The following RBFOX3 variants were observed in gnomAD, a reference collection of about 807,000 sequenced individuals.
The protein encoded by RBFOX3 is RNA binding protein fox-1 homolog 3.
In RBFOX3, 17 loss-of-function variants were observed where a neutral mutation model predicts 48.7. The observed-to-expected ratio is 0.35, with a 90% CI of 0.24 to 0.52. RBFOX3 has a LOEUF of 0.52. RBFOX3 is among the 20% of genes least tolerant of loss of function. The pLI, the probability that RBFOX3 is intolerant of heterozygous loss-of-function variation, is 0.94. For missense variants in RBFOX3, 382 were observed against 497.5 expected, an observed-to-expected ratio of 0.77 and a Z score of 2.21; for synonymous variants, 212 against 209.5, an observed-to-expected ratio of 1.01 and a Z score of -0.10.
rs1195257558 is a variant in RBFOX3 at position 79,299,077 on chromosome 17, G to A, written c.-74+8647C>T. ...TGAAATCCTCCCTGGCAGCAGATGC[G>A]GCTGGCCTCGGAAATACGGGAGGGA... On this transcript the variant is annotated intron_variant, in intron 3 of 14. Coordinates refer to ENST00000693108, the MANE Select transcript of RBFOX3 (RefSeq NM_001350451.2). This position sits in a 1 kb window ranked among gnomAD's most constrained non-coding sequence, Gnocchi z 4.5. 3.3e-5 allele frequency among the ~76,000 whole-genome samples: 5 copies of A among 152,036 alleles called. No individual in the cohort carries two copies. Among genetic ancestry groups the A allele is most frequent in the African/African-American group, 1.2e-4 (5 of 41,366 alleles).
the RBFOX3 span, among the ~76,000 whole-genome samples, chr17:79,617,581 C>T: frequency 6.6e-6 from 1 of 152,208 alleles, no homozygotes; most frequent in African/African-American, 2.4e-5. Flanking sequence ...CACCACAGCA[C>T]CGTCTCCCAC....
In RBFOX3 at chr17:79,096,338, G is replaced by A. The variant is rs545874990; in HGVS notation, c.936+315C>T. Among the ~76,000 whole-genome samples the A allele has an allele frequency of 1.2e-4, 19 of 152,328 alleles. No homozygotes were observed. The East Asian group carries it at 1.4e-3, about 11-fold the overall frequency. ...TAGGGGCTCACTCACTGACCGCAGC[G>A]TGGTTAGGGACGTGGCAGAGTCCCA... On this transcript the variant is annotated intron_variant, in intron 12 of 14. Coordinates refer to ENST00000693108, the MANE Select transcript of RBFOX3 (RefSeq NM_001350451.2).
chr17:79,580,578 G>A (rs960081155), intron 1 of RBFOX3, among the ~76,000 whole-genome samples: 1 of 152,186 alleles, frequency 6.6e-6, no homozygotes, highest in Non-Finnish European at 1.5e-5. Context: ...CGATCAGCCA[G>A]GAGAGAGGAG....
At chr17:79,309,976 T>A (rs1328143399) in intron 2 of RBFOX3, among the ~76,000 whole-genome samples, 1 of 152,196 alleles carries the variant, frequency 6.6e-6, no homozygotes, top group Non-Finnish European at 1.5e-5. Flanking sequence ...AGTAGTGCCA[T>A]CATTGTCTTC....
intron 4 of RBFOX3, among the ~76,000 whole-genome samples, chr17:79,177,754 A>G (rs1382074787): frequency 1.3e-5 from 2 of 152,200 alleles, no homozygotes; most frequent in Admixed American, 6.5e-5. Flanking sequence ...GAACTGGTAC[A>G]TGATTCAAAC....
chr17:79,313,560 G>A (rs1363380700), intron 2 of RBFOX3, among the ~76,000 whole-genome samples: 2 of 152,156 alleles, frequency 1.3e-5, no homozygotes, highest in Non-Finnish European at 2.9e-5. Flanking sequence ...CAATCCTGAC[G>A]AGAGTCCAGT....
intron 2 of RBFOX3, among the ~76,000 whole-genome samples, chr17:79,338,728 A>G (rs1598313359): frequency 6.6e-6 from 1 of 152,102 alleles, no homozygotes. Context: ...TGCTTCAACA[A>G]CCACAGAGGG....
At chr17:79,256,447 T>C (rs1334677196) in intron 3 of RBFOX3, among the ~76,000 whole-genome samples, 1 of 152,246 alleles carries the variant, frequency 6.6e-6, no homozygotes, top group Non-Finnish European at 1.5e-5. Context: ...TGAGTGTCCC[T>C]AAATCAATAA....
At chr17:79,510,087 G>T (rs946224384) in intron 1 of RBFOX3, among the ~76,000 whole-genome samples, 13 of 152,128 alleles carry the variant, frequency 8.5e-5, no homozygotes, top group African/African-American at 3.1e-4. Flanking sequence ...ATGGCCTCAC[G>T]CAACTCTGCC....
At chr17:79,180,094 C>T (rs1161642440) in intron 4 of RBFOX3, among the ~76,000 whole-genome samples, 1 of 152,186 alleles carries the variant, frequency 6.6e-6, no homozygotes, top group African/African-American at 2.4e-5. Flanking sequence ...CCGAAATCAT[C>T]CCGGGATGGT....
chr17:79,130,058 G>A (rs541663596), intron 4 of RBFOX3, among the ~76,000 whole-genome samples: 124 of 152,252 alleles, frequency 8.1e-4, no homozygotes, highest in African/African-American at 2.9e-3. Flanking sequence ...CTCAGGAGGT[G>A]CCCAGGCCTG....
intron 2 of RBFOX3, among the ~76,000 whole-genome samples, chr17:79,318,574 G>T (rs532971634): frequency 2.9e-4 from 44 of 152,176 alleles, no homozygotes; most frequent in Non-Finnish European, 6.2e-4. Flanking sequence ...TGACTGTGGG[G>T]CCACGTGCGG....
At chr17:79,609,940 G>A in intron 1 of RBFOX3, among the ~76,000 whole-genome samples, 1 of 151,962 alleles carries the variant, frequency 6.6e-6, no homozygotes, top group Non-Finnish European at 1.5e-5. Context: ...CACCAGGGCA[G>A]AAAGTTTGGG....
chr17:79,136,613 G>C (rs1168371766), intron 4 of RBFOX3, among the ~76,000 whole-genome samples: 1 of 152,164 alleles, frequency 6.6e-6, no homozygotes, highest in East Asian at 1.9e-4. Flanking sequence ...AAGCTCTGTT[G>C]GTTGGCTCAG....
chr17:79,141,332 C>T (rs139712923), intron 4 of RBFOX3, among the ~76,000 whole-genome samples: 4 of 152,294 alleles, frequency 2.6e-5, no homozygotes, highest in African/African-American at 9.6e-5. Flanking sequence ...CCAGGAGCCC[C>T]CTTTGCTGCT....
At chr17:79,132,885 TCTC>T (rs1434565596) in intron 4 of RBFOX3, 1 of 152,282 alleles carries the variant, frequency 6.6e-6, no homozygotes, top group Non-Finnish European at 1.5e-5. Flanking sequence ...GGAACCCTCT[TCTC>T]CACCCTGGAC....
At chr17:79,253,568 T>C (rs1321604194) in intron 3 of RBFOX3, among the ~76,000 whole-genome samples, 1 of 152,212 alleles carries the variant, frequency 6.6e-6, no homozygotes, top group Non-Finnish European at 1.5e-5. Flanking sequence ...TATATATTTT[T>C]AAAGCCACAT....
chr17:79,174,614 CAT>C (rs1206336628), intron 4 of RBFOX3, among the ~76,000 whole-genome samples: 1 of 152,002 alleles, frequency 6.6e-6, no homozygotes, highest in Non-Finnish European at 1.5e-5. Context: ...CACTGACACA[CAT>C]CCACAATGCA....
intron 1 of RBFOX3, among the ~76,000 whole-genome samples, chr17:79,556,348 CAGT>C (rs2091756740): frequency 1.3e-5 from 2 of 151,586 alleles, no homozygotes; most frequent in African/African-American, 4.9e-5. Context: ...AAATAGACAG[CAGT>C]TCCATTCGGT....
Sources: allele counts gnomAD v4.1 joint callset (sites outside exome capture counted in the v4.1 genomes callset), GRCh38; gene constraint gnomAD v4.1.1; non-coding constraint Gnocchi (gnomAD v3.1); transcripts MANE v1.5; gene names NCBI Gene and HGNC (gene_info 2026-07-23, HGNC 2026-07-21).